The following MDM4 variants were observed in gnomAD, a reference collection of about 807,000 sequenced individuals.
MDM4 encodes the protein protein Mdm4.
A neutral mutation model predicts 60.2 loss-of-function variants in MDM4; 2 were observed. That is an observed-to-expected ratio of 0.03 (90% CI 0.01 to 0.10). The LOEUF is 0.10. MDM4 is among the 10% of genes least tolerant of loss of function. The pLI is 1.00. For missense variants in MDM4, 447 were observed against 577.5 expected (o/e 0.77, Z 2.32); for synonymous variants, 202 against 198.1 (o/e 1.02, Z -0.17).
rs1032196133 is a variant in MDM4, at chr1:204,545,458, G to T, written c.822+774G>T. ...AAGAAATTGGGGAGGAGATCCAGTGGCCAGCATGTAGAAGAGTGTTGGTAA... is the reference window on the plus strand; with the variant it reads ...AAGAAATTGGGGAGGAGATCCAGTGTCCAGCATGTAGAAGAGTGTTGGTAA... On this transcript the variant is annotated intron_variant, in intron 9 of 10. Transcript: ENST00000367182. Among the ~76,000 whole-genome samples, 3 of 152,128 alleles carry T rather than the reference G, an allele frequency of 2.0e-5. 1 individual carries two copies. In the South Asian group the frequency reaches 6.2e-4, roughly 32 times the overall value.
chr1:204,519,942 G>A (rs930885536), intron 1 of MDM4, among the ~76,000 whole-genome samples: 5 of 152,032 alleles, frequency 3.3e-5, no homozygotes, highest in African/African-American at 1.2e-4. Flanking sequence ...CTAGAACAAA[G>A]AAAGAGAAAA....
At chr1:204,548,009 A>T (rs770097700) in intron 10 of MDM4, among the ~76,000 whole-genome samples, 1 of 152,246 alleles carries the variant, frequency 6.6e-6, no homozygotes, top group African/African-American at 2.4e-5. Flanking sequence ...GGCGTGAGCC[A>T]CCACTCCCGG....
chr1:204,539,539 GTT>G (rs1027772704), intron 7 of MDM4, among the ~76,000 whole-genome samples: 4 of 110,742 alleles, frequency 3.6e-5, no homozygotes, highest in African/African-American at 6.0e-5. Context: ...GTTTTGTTTT[GTT>G]TTTTTTTTTT....
Position 204,552,675 on chromosome 1 carries a change from G to A in MDM4, c.*2993G>A, listed in dbSNP as rs1663308459. The stretch of plus-strand genomic sequence containing the variant: ...AGTAAACATTTTACTTATGTTTATA[G>A]GTATTTGATCCTAAATTTGACACAT... On this transcript the variant is annotated 3_prime_UTR_variant, in exon 11 of 11. Transcript: ENST00000367182. The A allele has an allele frequency of 5.6e-6, 1 of 178,216 alleles. No homozygotes were observed. The highest frequency in any genetic ancestry group is 1.2e-5 in the Non-Finnish European group (1 of 83,084). 11.0% of individuals were successfully genotyped at this position (178,216 alleles called of 1,614,324 possible). A position where few individuals can be genotyped will look rare whatever the true frequency, so the allele number is the denominator to read the frequency against.
rs1001125754 is a variant in MDM4 at position 204,526,554 on chromosome 1, C to T, written c.153+120C>T. ...TCTCAGATCACTGCAAGCTCCGCCT[C>T]CTGGGTTCACGCCATTCTCCTGCCT... On this transcript the variant is annotated intron_variant, in intron 3 of 10. Coordinates refer to ENST00000367182, the MANE Select transcript of MDM4 (RefSeq NM_002393.5). 11 of 681,978 alleles carry T rather than the reference C, an allele frequency of 1.6e-5. No individual in the cohort carries two copies. In the African/African-American group the frequency reaches 1.9e-4, roughly 11 times the overall value. 42.2% of individuals were successfully genotyped at this position (681,978 alleles called of 1,614,324 possible).
In MDM4 at chr1:204,540,693, G is replaced by A. The variant is rs1322884392; in HGVS notation, c.512-2091G>A. Among the ~76,000 whole-genome samples, 3 of 152,194 alleles carry A rather than the reference G, an allele frequency of 2.0e-5. No individual in the cohort carries two copies. The East Asian group carries it at 5.8e-4, about 29-fold the overall frequency. On this transcript the variant is annotated intron_variant, in intron 7 of 10. Coordinates refer to ENST00000367182, the MANE Select transcript of MDM4 (RefSeq NM_002393.5). ...CAGGATAATTGCTTGAACCCGGGAG[G>A]CAGAGGTTGCAGTGAGCCGAGATCG...
chr1:204,528,932 C>A (rs1660547640), intron 3 of MDM4: 3 of 1,591,496 alleles, frequency 1.9e-6, no homozygotes, highest in Middle Eastern at 2.1e-4. Context: ...CCCGGAAGGC[C>A]TCTGTCGGCA....
chr1:204,527,623 AC>A (rs1660338882), intron 3 of MDM4, among the ~76,000 whole-genome samples: 1 of 150,898 alleles, frequency 6.6e-6, no homozygotes, highest in Non-Finnish European at 1.5e-5. Context: ...ATCCTGGGCA[AC>A]AAGAGTGAAA....
chr1:204,529,013 GC>G (rs1660559223), intron 3 of MDM4: 18 of 1,520,652 alleles, frequency 1.2e-5, no homozygotes, highest in Non-Finnish European at 1.8e-6. Flanking sequence ...GTGGGCAGTA[GC>G]TGGAGACCAG....
At chr1:204,547,793 G>A (rs1365498171) in intron 10 of MDM4, among the ~76,000 whole-genome samples, 3 of 152,162 alleles carry the variant, frequency 2.0e-5, no homozygotes, top group African/African-American at 7.2e-5. Flanking sequence ...GCATAATCTC[G>A]GCTCACTGCA....
rs1243904956 is a variant in MDM4, at chr1:204,552,429, TC to T, written c.*2748del. On this transcript the variant is annotated 3_prime_UTR_variant, in exon 11 of 11. Transcript: ENST00000367182. ...CCTCTGCCTCCCGGGTTCAGGTGATTCTCCTGCCTCAGCCTCCCAGATAGCT... is the reference window on the plus strand; with the variant it reads ...CCTCTGCCTCCCGGGTTCAGGTGATTTCCTGCCTCAGCCTCCCAGATAGCT... The T allele has an allele frequency of 6.7e-6, 1 of 149,682 alleles. No individual in the cohort carries two copies. The highest frequency in any genetic ancestry group is 1.5e-5 in the Non-Finnish European group (1 of 67,754). 9.3% of individuals were successfully genotyped at this position (149,682 alleles called of 1,614,324 possible). A position where few individuals can be genotyped will look rare whatever the true frequency, so the allele number is the denominator to read the frequency against.
intron 1 of MDM4, among the ~76,000 whole-genome samples, chr1:204,520,940 G>T (rs549872018): frequency 6.6e-6 from 1 of 152,144 alleles, no homozygotes; most frequent in Non-Finnish European, 1.5e-5. Context: ...TGAATAATCA[G>T]CATATGTCTT....
rs149705469 is a variant in MDM4, at chr1:204,551,381, G to T, written c.*1699G>T. On this transcript the variant is annotated 3_prime_UTR_variant, in exon 11 of 11. Transcript: ENST00000367182. ...CTTAGGAGTCATTTAGATTTTTTTT[G>T]ATCCTTTTGTTTAGTGCCTCTGGAG... 480 of 219,298 alleles carry T rather than the reference G, an allele frequency of 2.2e-3. 1 individual carries two copies. Among genetic ancestry groups the T allele is most frequent in the African/African-American group, 0.01 (441 of 42,886 alleles). The allele number at this position is 219,298 out of a possible 1,614,324, so 13.6% of individuals were successfully genotyped here.
At position 204,552,948 on chromosome 1, in the gene MDM4, T is replaced by C. The variant is rs2102474037; in HGVS notation, c.*3266T>C. 1.2e-5 allele frequency: 2 copies of C among 163,408 alleles called. No homozygotes were observed. Among genetic ancestry groups the C allele is most frequent in the South Asian group, 2.1e-4 (1 of 4,826 alleles). The allele number at this position is 163,408 out of a possible 1,614,324, so 10.1% of individuals were successfully genotyped here. A position where few individuals can be genotyped will look rare whatever the true frequency, so the allele number is the denominator to read the frequency against. ...TGGAGTGCAGTGGAGTGATCTCGGC[T>C]CACTGCAACCTCTGCCTCCCGGGTT... On this transcript the variant is annotated 3_prime_UTR_variant, in exon 11 of 11. Coordinates refer to ENST00000367182, the MANE Select transcript of MDM4 (RefSeq NM_002393.5).
chr1:204,530,747 A>G lies in MDM4; in HGVS notation c.217A>G (p.Met73Val). 6.2e-7 allele frequency: 1 copy of G among 1,614,198 alleles called. No homozygotes were observed. Among genetic ancestry groups the G allele is most frequent in the Non-Finnish European group, 8.5e-7 (1 of 1,180,028 alleles). Reference protein sequence around the residue: ...KQLYDQQEQHMVYCGGDLLGE... With the variant: ...KQLYDQQEQHVVYCGGDLLGE... ...ACTTTATGATCAGCAGGAGCAGCAT[A>G]TGGTATATTGTGGTGGAGATCTTTT... Residue 73 changes from methionine to valine, a missense_variant, in exon 4 of 11, where the codon ATG (methionine) becomes GTG (valine). Coordinates refer to ENST00000367182, the MANE Select transcript of MDM4 (RefSeq NM_002393.5).
At chr1:204,522,395 GT>G in intron 1 of MDM4, among the ~76,000 whole-genome samples, 1 of 113,414 alleles carries the variant, frequency 8.8e-6, no homozygotes, top group African/African-American at 3.2e-5. Flanking sequence ...TAAAAGCCAG[GT>G]TTTAAATTTT....
rs751378158 is a variant in MDM4 at position 204,532,257 on chromosome 1, T to C, written c.343+11T>C. 5 of 1,533,026 alleles carry C rather than the reference T, an allele frequency of 3.3e-6. No individual in the cohort carries two copies. The East Asian group carries it at 9.0e-5, about 28-fold the overall frequency. The allele number at this position is 1,533,026 out of a possible 1,614,324, so 95.0% of individuals were successfully genotyped here. A position where few individuals can be genotyped will look rare whatever the true frequency, so the allele number is the denominator to read the frequency against. On this transcript the variant is annotated intron_variant, in intron 5 of 10. Transcript: ENST00000367182. ...CCACTGCTACTACAGGTATGTCACA[T>C]CATATTTCTTCAGTCTGTATCACAG...
Position 204,553,661 on chromosome 1 carries a change from A to G in MDM4, c.*3979A>G, listed in dbSNP as rs1033080105. The stretch of plus-strand genomic sequence containing the variant: ...TTTATGATTGTTATCTTGGGCGAAA[A>G]GTTCAGAGCAGAGATGACAAATCAT... On this transcript the variant is annotated 3_prime_UTR_variant, in exon 11 of 11. Transcript: ENST00000367182. 1.3e-4 allele frequency: 29 copies of G among 227,642 alleles called. No individual in the cohort carries two copies. Among genetic ancestry groups the G allele is most frequent in the Non-Finnish European group, 6.1e-5 (7 of 114,616 alleles). 14.1% of individuals were successfully genotyped at this position (227,642 alleles called of 1,614,324 possible). A position where few individuals can be genotyped will look rare whatever the true frequency, so the allele number is the denominator to read the frequency against.
chr1:204,532,374 C>A, intron 5 of MDM4, 128 bp downstream of exon 5: 1 of 666,620 alleles, frequency 1.5e-6, no homozygotes, highest in Non-Finnish European at 2.7e-6. Context: ...GAAATACATA[C>A]TACCTGTCAC....
Sources: allele counts gnomAD v4.1 joint callset (sites outside exome capture counted in the v4.1 genomes callset), GRCh38; gene constraint gnomAD v4.1.1; transcripts MANE v1.5; gene names NCBI Gene and HGNC (gene_info 2026-07-23, HGNC 2026-07-21).